Variants in NKAIN2 observed in about 807,000 individuals in gnomAD.
NKAIN2 encodes the protein sodium/potassium transporting ATPase interacting 2, also known as sodium/potassium-transporting ATPase subunit beta-1-interacting protein 2.
In NKAIN2, 14 loss-of-function variants were observed where a neutral mutation model predicts 32.6. The ratio of observed to expected loss-of-function variants is 0.43; its 90% CI spans 0.28 to 0.67. NKAIN2 has a LOEUF of 0.67. Ranked by LOEUF, NKAIN2 falls within the 30% of genes least tolerant of loss-of-function variation. The probability of loss-of-function intolerance (pLI) is 0.17; values close to 1 mark genes in which losing one functional copy is unlikely to be tolerated. For missense variants in NKAIN2, 198 were observed against 258.3 expected (o/e 0.77, Z 1.60); for synonymous variants, 80 against 87.2 (o/e 0.92, Z 0.46).
intron 4 of NKAIN2, among the ~76,000 whole-genome samples, chr6:124,780,601 C>T (rs1256316679): frequency 6.6e-6 from 1 of 152,176 alleles, no homozygotes; most frequent in Non-Finnish European, 1.5e-5. Flanking sequence ...GGGCTGAAAG[C>T]ATAGGCTTGA....
intron 1 of NKAIN2, among the ~76,000 whole-genome samples, chr6:123,872,342 A>G (rs1362809561): frequency 6.6e-6 from 1 of 152,180 alleles, no homozygotes; most frequent in Admixed American, 6.5e-5. Context: ...ACACCTTAGA[A>G]TTATTCGGTT....
chr6:124,725,847 C>G (rs1464208226), intron 4 of NKAIN2, among the ~76,000 whole-genome samples: 1 of 152,204 alleles, frequency 6.6e-6, no homozygotes, highest in Non-Finnish European at 1.5e-5. Flanking sequence ...TCAGTGGGTG[C>G]ATGCACCGTG....
At chr6:124,409,723 G>A (rs917682074) in intron 3 of NKAIN2, among the ~76,000 whole-genome samples, 51 of 152,102 alleles carry the variant, frequency 3.4e-4, no homozygotes, top group African/African-American at 1.2e-3. Flanking sequence ...GAGTTAGGGA[G>A]GATTCCCTCT....
chr6:124,266,250 A>C (rs1199113273), intron 1 of NKAIN2, among the ~76,000 whole-genome samples: 2 of 152,054 alleles, frequency 1.3e-5, no homozygotes, highest in Non-Finnish European at 2.9e-5. Flanking sequence ...GTTAGGTCAA[A>C]CTCTATATAT....
At chr6:124,710,687 A>G (rs1458941695) in intron 4 of NKAIN2, among the ~76,000 whole-genome samples, 1 of 148,410 alleles carries the variant, frequency 6.7e-6, no homozygotes, top group African/African-American at 2.5e-5. Flanking sequence ...TGCTTGGTAG[A>G]TCTTCCTCCA....
chr6:124,450,436 T>C (rs779480553), intron 3 of NKAIN2, among the ~76,000 whole-genome samples: 2 of 151,982 alleles, frequency 1.3e-5, no homozygotes, highest in Non-Finnish European at 2.9e-5. Context: ...AAATTTTTGA[T>C]ATTCAAGTAT....
At chr6:124,197,857 T>C (rs1386494085) in intron 1 of NKAIN2, among the ~76,000 whole-genome samples, 9 of 108,916 alleles carry the variant, frequency 8.3e-5, no homozygotes, top group African/African-American at 2.2e-4. Flanking sequence ...TTTTTTTTTT[T>C]CATGATTTTG....
intron 3 of NKAIN2, among the ~76,000 whole-genome samples, chr6:124,612,174 T>C (rs528068803): frequency 1.3e-5 from 2 of 151,826 alleles, no homozygotes; most frequent in African/African-American, 4.8e-5. Flanking sequence ...TTTATTTGAA[T>C]CACTCTATGT....
chr6:123,889,945 A>G (rs184498907), intron 1 of NKAIN2, among the ~76,000 whole-genome samples: 1 of 152,194 alleles, frequency 6.6e-6, no homozygotes, highest in Admixed American at 6.5e-5. Context: ...TGTAAGCCAC[A>G]ATGATGGCAG....
rs115637317 is a variant in NKAIN2 at position 123,976,083 on chromosome 6, G to A, written c.54+171829G>A. Among the ~76,000 whole-genome samples, 1,277 of 151,156 alleles carry A rather than the reference G, an allele frequency of 8.4e-3. 17 individuals are homozygous for A. Among genetic ancestry groups the A allele is most frequent in the African/African-American group, 0.028 (1,166 of 41,202 alleles). On this transcript the variant is annotated intron_variant, in intron 1 of 6. Transcript: ENST00000368417. Reference sequence around the variant, plus strand: ...TTTCTTGTCTGCCACCATGTCCCACGTGCCTTTTGCCTTCTACCATGATTG... The same window carrying A: ...TTTCTTGTCTGCCACCATGTCCCACATGCCTTTTGCCTTCTACCATGATTG...
intron 1 of NKAIN2, among the ~76,000 whole-genome samples, chr6:124,197,312 T>C (rs1203307189): frequency 2.6e-5 from 4 of 152,064 alleles, no homozygotes; most frequent in Non-Finnish European, 5.9e-5. Context: ...TTTCACTCTG[T>C]TTTCCTCCCA....
At chr6:124,149,421 C>A (rs749696906) in intron 1 of NKAIN2, among the ~76,000 whole-genome samples, 1 of 152,184 alleles carries the variant, frequency 6.6e-6, no homozygotes, top group Non-Finnish European at 1.5e-5. Context: ...TTAGCTCTTA[C>A]ATTTAGGACT....
intron 2 of NKAIN2, among the ~76,000 whole-genome samples, chr6:124,331,376 A>AAAAAAG: frequency 1.4e-5 from 2 of 147,046 alleles, no homozygotes; most frequent in Non-Finnish European, 3.0e-5. Context: ...AAAAAAAAAA[A>AAAAAAG]AAACTAGCTG....
At chr6:124,294,312 T>C (rs529429930) in intron 2 of NKAIN2, among the ~76,000 whole-genome samples, 4 of 152,246 alleles carry the variant, frequency 2.6e-5, no homozygotes, top group Admixed American at 1.3e-4. Flanking sequence ...ATTAACCCAG[T>C]TCCGTAAGAG....
intron 1 of NKAIN2, among the ~76,000 whole-genome samples, chr6:124,097,502 C>T (rs1186502012): frequency 6.6e-6 from 1 of 151,802 alleles, no homozygotes. Context: ...ATTAGATAGG[C>T]ATAGTACATA....
chr6:124,468,254 C>G (rs1055519038), intron 3 of NKAIN2, among the ~76,000 whole-genome samples: 1 of 152,042 alleles, frequency 6.6e-6, no homozygotes, highest in Non-Finnish European at 1.5e-5. Context: ...CAGGGTGATA[C>G]ACTTATATTG....
At chr6:124,237,003 G>A (rs774879933) in intron 1 of NKAIN2, among the ~76,000 whole-genome samples, 2 of 152,158 alleles carry the variant, frequency 1.3e-5, no homozygotes, top group African/African-American at 4.8e-5. Flanking sequence ...GCAAGAAGTT[G>A]GGTGTGTGGG....
chr6:124,323,355 T>C (rs561045776), intron 2 of NKAIN2, among the ~76,000 whole-genome samples: 1 of 152,318 alleles, frequency 6.6e-6, no homozygotes, highest in Admixed American at 6.5e-5. Context: ...AACTACTCAT[T>C]CTCAAACATT....
chr6:124,442,398 G>A (rs534745100), intron 3 of NKAIN2, among the ~76,000 whole-genome samples: 1 of 152,054 alleles, frequency 6.6e-6, no homozygotes, highest in South Asian at 2.1e-4. Flanking sequence ...GTAGTAAGCT[G>A]ATTGATGCAT....
Sources: gnomAD v4.1 joint callset for allele counts (sites outside exome capture counted in the v4.1 genomes callset) on GRCh38, gnomAD v4.1.1 for gene constraint, MANE v1.5 for transcripts, NCBI Gene and HGNC (gene_info 2026-07-23, HGNC 2026-07-21) for gene names.